Variants in ERBB4 observed in about 807,000 individuals in gnomAD.
The protein encoded by ERBB4 is receptor tyrosine-protein kinase erbB-4.
A neutral mutation model predicts 158.0 loss-of-function variants in ERBB4; 42 were observed. The ratio of observed to expected loss-of-function variants is 0.27; its 90% CI spans 0.21 to 0.34. The LOEUF (loss-of-function observed/expected upper bound fraction) is 0.34. Among genes scored for constraint, ERBB4 ranks in the 10% least tolerant of loss-of-function variants. The pLI is 1.00. For missense variants in ERBB4, 1,333 were observed against 1,624.1 expected (o/e 0.82, Z 3.08); for synonymous variants, 583 against 558.7 (o/e 1.04, Z -0.61).
chr2:211,886,150 C>T (rs2106166059), intron 3 of ERBB4, among the ~76,000 whole-genome samples: 1 of 152,316 alleles, frequency 6.6e-6, no homozygotes, highest in Middle Eastern at 3.4e-3. Flanking sequence ...ATACACTCAT[C>T]ACAGGTATCT....
At chr2:211,928,642 G>A (rs1381090592) in intron 3 of ERBB4, among the ~76,000 whole-genome samples, 2 of 152,098 alleles carry the variant, frequency 1.3e-5, no homozygotes, top group African/African-American at 2.4e-5. Flanking sequence ...TGAATACTAA[G>A]CTTCCCATGA....
At chr2:211,728,418 T>C (rs1482479183) in intron 5 of ERBB4, among the ~76,000 whole-genome samples, 1 of 151,854 alleles carries the variant, frequency 6.6e-6, no homozygotes. Flanking sequence ...TATGCTTATA[T>C]TGATATTTCT....
intron 2 of ERBB4, among the ~76,000 whole-genome samples, chr2:212,073,076 G>A (rs954303588): frequency 1.3e-5 from 2 of 151,884 alleles, no homozygotes; most frequent in Non-Finnish European, 2.9e-5. Flanking sequence ...TTCCAAGCAG[G>A]CAGAGAACCA....
chr2:211,420,371 G>C (rs1032146697), intron 25 of ERBB4, 70 bp downstream of exon 25: 19 of 1,083,714 alleles, frequency 1.8e-5, no homozygotes, highest in Non-Finnish European at 2.4e-5. Context: ...TGAAATGTTA[G>C]TGCTTATGAA....
At position 211,505,886 on chromosome 2, in the gene ERBB4, G is replaced by A. The variant is rs186562167; in HGVS notation, c.2487+56017C>T. On this transcript the variant is annotated intron_variant, in intron 20 of 27. Coordinates refer to ENST00000342788, the MANE Select transcript of ERBB4 (RefSeq NM_005235.3). ...GAGGCAGGAGAATGGCATGAACCTG[G>A]GAGGCAGAGCTTGCAGTGAGCCAAG... Among the ~76,000 whole-genome samples the A allele has an allele frequency of 2.8e-3, 428 of 150,426 alleles. 1 individual carries two copies. The highest frequency in any genetic ancestry group is 9.9e-3 in the African/African-American group (406 of 41,162).
chr2:211,557,491 C>T (rs923489589), intron 20 of ERBB4, among the ~76,000 whole-genome samples: 1 of 152,004 alleles, frequency 6.6e-6, no homozygotes, highest in African/African-American at 2.4e-5. Context: ...GTCGTACACG[C>T]AACCAGCAAG....
intron 3 of ERBB4, among the ~76,000 whole-genome samples, chr2:211,940,237 T>C (rs1030208016): frequency 4.6e-5 from 7 of 152,076 alleles, no homozygotes; most frequent in African/African-American, 7.2e-5. Context: ...GGTATTGATA[T>C]ATTTACTGTT....
intron 2 of ERBB4, among the ~76,000 whole-genome samples, chr2:212,001,152 C>A (rs940267158): frequency 4.6e-5 from 7 of 152,024 alleles, no homozygotes; most frequent in Non-Finnish European, 8.8e-5. Flanking sequence ...TGTATATTTA[C>A]ACTACTAGAC....
intron 1 of ERBB4, among the ~76,000 whole-genome samples, chr2:212,239,778 A>G (rs2084014049): frequency 6.6e-6 from 1 of 152,234 alleles, no homozygotes; most frequent in African/African-American, 2.4e-5. Context: ...GAAATAGAAA[A>G]TTATGCTAAT....
At chr2:211,781,352 T>C (rs750696776) in intron 4 of ERBB4, among the ~76,000 whole-genome samples, 12 of 152,238 alleles carry the variant, frequency 7.9e-5, no homozygotes, top group Non-Finnish European at 2.9e-5. Context: ...CCTGGAATTA[T>C]GTTCATGATT....
intron 2 of ERBB4, among the ~76,000 whole-genome samples, chr2:212,030,666 C>A (rs1001857782): frequency 1.3e-5 from 2 of 152,002 alleles, no homozygotes; most frequent in Admixed American, 6.6e-5. Flanking sequence ...ACCCTGGGGA[C>A]CTTTAGAGAA....
chr2:211,659,703 A>G (rs1048254976), intron 15 of ERBB4, among the ~76,000 whole-genome samples: 4 of 152,234 alleles, frequency 2.6e-5, no homozygotes, highest in Non-Finnish European at 5.9e-5. Flanking sequence ...TCATTAAAAA[A>G]AGCACTGTGT....
chr2:212,329,599 G>A (rs1036903378), intron 1 of ERBB4, among the ~76,000 whole-genome samples: 3 of 151,988 alleles, frequency 2.0e-5, no homozygotes, highest in Admixed American at 6.6e-5. Flanking sequence ...AAATAGCAAC[G>A]TCAGGCTCCA....
At chr2:211,721,156 G>A (rs1051159436) in intron 7 of ERBB4, among the ~76,000 whole-genome samples, 1 of 152,148 alleles carries the variant, frequency 6.6e-6, no homozygotes, top group Admixed American at 6.5e-5. Flanking sequence ...ACTGTGTTGT[G>A]TGCATTTTGA....
intron 20 of ERBB4, among the ~76,000 whole-genome samples, chr2:211,433,406 C>T (rs966807840): frequency 2.0e-5 from 3 of 151,668 alleles, no homozygotes; most frequent in Non-Finnish European, 2.9e-5. Flanking sequence ...ATGGCGAAAC[C>T]CCATCTCTAC....
intron 1 of ERBB4, among the ~76,000 whole-genome samples, chr2:212,350,901 C>T (rs1226863524): frequency 1.3e-5 from 2 of 152,042 alleles, no homozygotes; most frequent in Non-Finnish European, 2.9e-5. Context: ...AATATGATCC[C>T]ACTTTGAAAT....
chr2:212,073,781 G>A (rs963807751), intron 2 of ERBB4, among the ~76,000 whole-genome samples: 14 of 151,728 alleles, frequency 9.2e-5, no homozygotes, highest in African/African-American at 3.4e-4. Context: ...AGAAAAGATG[G>A]AGGCTATACT....
chr2:212,327,610 T>C (rs1482702882), intron 1 of ERBB4, among the ~76,000 whole-genome samples: 3 of 151,862 alleles, frequency 2.0e-5, no homozygotes, highest in African/African-American at 7.3e-5. Flanking sequence ...AAGGATATAA[T>C]AAAGTTAAAC....
intron 19 of ERBB4, among the ~76,000 whole-genome samples, chr2:211,583,258 T>A (rs1323153121): frequency 6.6e-6 from 1 of 152,004 alleles, no homozygotes; most frequent in Admixed American, 6.5e-5. Context: ...CATTTCATAC[T>A]ACATGACATT....
Sources: gnomAD v4.1 joint callset for allele counts (sites outside exome capture counted in the v4.1 genomes callset) on GRCh38, gnomAD v4.1.1 for gene constraint, MANE v1.5 for transcripts, NCBI Gene and HGNC (gene_info 2026-07-23, HGNC 2026-07-21) for gene names.